RSPH4A: variants seen among roughly 807,000 people sequenced by gnomAD.
The protein encoded by RSPH4A is radial spoke head protein 4 homolog A.
RSPH4A carries 47 observed loss-of-function variants against 71.0 expected under a neutral mutation model. That is an observed-to-expected ratio of 0.66 (90% confidence interval 0.52 to 0.84). The LOEUF is 0.84. Among genes scored for constraint, RSPH4A ranks in the 40% least tolerant of loss-of-function variants. The pLI is 0.00. For synonymous variants in RSPH4A, 282 were observed against 302.3 expected, an observed-to-expected ratio of 0.93 and a Z score of 0.70; for missense variants, 793 against 855.2, an observed-to-expected ratio of 0.93 and a Z score of 0.91.
At chr6:116,623,282 C>T (rs1261463087) in intron 2 of RSPH4A, among the ~76,000 whole-genome samples, 1 of 152,038 alleles carries the variant, frequency 6.6e-6, no homozygotes, top group African/African-American at 2.4e-5. Context: ...GATGGGGTTT[C>T]GCCGTATTGG....
chr6:116,623,355 G>A (rs963862146), intron 2 of RSPH4A, among the ~76,000 whole-genome samples: 5 of 152,080 alleles, frequency 3.3e-5, no homozygotes, highest in African/African-American at 1.2e-4. Flanking sequence ...CAGAATGTTG[G>A]GATTACAGGC....
At chr6:116,623,505 C>T (rs141724770) in intron 2 of RSPH4A, among the ~76,000 whole-genome samples, 30 of 152,008 alleles carry the variant, frequency 2.0e-4, no homozygotes, top group African/African-American at 6.8e-4. Flanking sequence ...TTTTTTCATA[C>T]TGTGTTTTAG....
In RSPH4A at chr6:116,617,133, C is replaced by A; in HGVS notation, c.510C>A (p.Asn170Lys). 6.2e-7 allele frequency: 1 copy of A among 1,614,200 alleles called. No individual in the cohort carries two copies. ...LCGRRDVSYN[N>K]AKQKELRFDV... ...GACGAAGGGACGTGAGCTATAACAACGCTAAACAGAAAGAGCTGAGATTTG... is the reference window on the plus strand; with the variant it reads ...GACGAAGGGACGTGAGCTATAACAAAGCTAAACAGAAAGAGCTGAGATTTG... Residue 170 changes from asparagine (N) to lysine (K), a missense_variant, in exon 1 of 6, where the codon AAC (asparagine) becomes AAA (lysine). Physicochemically the swap from Asn to Lys is moderately conservative, Grantham distance 94 (BLOSUM62 0). Transcript: ENST00000229554.
Position 116,632,606 on chromosome 6 carries a change from G to A in RSPH4A, c.*165G>A, listed in dbSNP as rs771479957. 11 of 878,610 alleles carry A rather than the reference G, an allele frequency of 1.3e-5. No individual in the cohort carries two copies. The highest frequency in any genetic ancestry group is 1.7e-5 in the Non-Finnish European group (10 of 594,098). The allele number at this position is 878,610 out of a possible 1,614,324, so 54.4% of individuals were successfully genotyped here. On this transcript the variant is annotated 3_prime_UTR_variant, in exon 6 of 6. Coordinates refer to ENST00000229554, the MANE Select transcript of RSPH4A (RefSeq NM_001010892.3). ...GAAAATCAAGCTTGAAATTTCATAGGTAGAAATATTAGCATTTTTATTGAA... is the reference window on the plus strand; with the variant it reads ...GAAAATCAAGCTTGAAATTTCATAGATAGAAATATTAGCATTTTTATTGAA...
chr6:116,618,855 A>C (rs1775555335), intron 1 of RSPH4A, among the ~76,000 whole-genome samples: 1 of 152,142 alleles, frequency 6.6e-6, no homozygotes, highest in African/African-American at 2.4e-5. Flanking sequence ...AGACTGCCCC[A>C]CACTTCCAAT....
intron 1 of RSPH4A, among the ~76,000 whole-genome samples, chr6:116,617,751 G>A (rs1373730843): frequency 6.6e-6 from 1 of 152,060 alleles, no homozygotes; most frequent in African/African-American, 2.4e-5. Flanking sequence ...CAGTGCTAGG[G>A]TGACCACCAT....
Position 116,632,624 on chromosome 6 carries a change from T to A in RSPH4A, c.*183T>A. ...TTCATAGGTAGAAATATTAGCATTT[T>A]TATTGAAAGATACTCACAGGATTTT... On this transcript the variant is annotated 3_prime_UTR_variant, in exon 6 of 6. Transcript: ENST00000229554. The A allele has an allele frequency of 1.4e-6, 1 of 735,558 alleles. No individual in the cohort carries two copies. Among genetic ancestry groups the A allele is most frequent in the Non-Finnish European group, 2.1e-6 (1 of 469,394 alleles). 45.6% of individuals were successfully genotyped at this position (735,558 alleles called of 1,614,324 possible).
Position 116,617,190 on chromosome 6 carries a change from CTA to C in RSPH4A, c.569_570del (p.Tyr190Ter). The C allele has an allele frequency of 6.2e-7, 1 of 1,614,212 alleles. No individual in the cohort carries two copies. Among genetic ancestry groups the C allele is most frequent in the Non-Finnish European group, 8.5e-7 (1 of 1,180,036 alleles). Reference protein sequence around the residue: ...VFQEEDSNSDYDLQQPAPGGS... With the variant: ...VFQEEDSNSDXDLQQPAPGGS... ...TTCAGGAGGAAGACTCAAACAGTGA[CTA>C]TGATTTACAGCAGCCGGCGCCTGGG... On this transcript the variant is annotated frameshift_variant, in exon 1 of 6. Transcript: ENST00000229554. LOFTEE classifies it high-confidence loss of function.
intron 4 of RSPH4A, 83 bp downstream of exon 4, chr6:116,629,785 G>C: frequency 7.5e-7 from 1 of 1,331,056 alleles, no homozygotes; most frequent in Non-Finnish European, 1.1e-6. Flanking sequence ...TATGAGAGTC[G>C]GAAAGCTCTA....
intron 1 of RSPH4A, among the ~76,000 whole-genome samples, chr6:116,618,412 C>T (rs1369457921): frequency 1.3e-5 from 2 of 152,224 alleles, no homozygotes; most frequent in African/African-American, 4.8e-5. Flanking sequence ...CCACTATATA[C>T]TTAGTGGTAG....
intron 3 of RSPH4A, 115 bp from the exon 4 acceptor site, chr6:116,629,452 T>C: frequency 9.3e-7 from 1 of 1,074,528 alleles, no homozygotes; most frequent in Non-Finnish European, 1.4e-6. Context: ...AATGAATGAA[T>C]GAATAATTGA....
chr6:116,623,097 C>CTTATT (rs1775638227), intron 2 of RSPH4A, 95 bp downstream of exon 2: 1 of 762,042 alleles, frequency 1.3e-6, no homozygotes, highest in East Asian at 2.6e-5. Context: ...TATTTTATAG[C>CTTATT]TTGTTTTGTT....
chr6:116,617,493 G>T (rs1477067815), intron 1 of RSPH4A, among the ~76,000 whole-genome samples, 184 bp downstream of exon 1: 1 of 150,178 alleles, frequency 6.7e-6, no homozygotes, highest in African/African-American at 2.5e-5. Flanking sequence ...GGAGATTCTT[G>T]TACCTTCTTT....
intron 4 of RSPH4A, 25 bp from the exon 5 acceptor site, chr6:116,630,410 T>A (rs1775774898): frequency 2.4e-6 from 3 of 1,235,656 alleles, no homozygotes; most frequent in Non-Finnish European, 3.6e-6. Flanking sequence ...GGAATTAAGC[T>A]TTTGCATTTC....
intron 5 of RSPH4A, 62 bp from the exon 6 acceptor site, chr6:116,632,145 G>T: frequency 8.3e-7 from 1 of 1,205,126 alleles, no homozygotes; most frequent in Non-Finnish European, 1.2e-6. Context: ...ATTACAGAAG[G>T]GTCAGTTTTT....
rs140811116 is a variant in RSPH4A at position 116,617,274 on chromosome 6, C to A, written c.651C>A (p.Tyr217Ter). Residue 217 changes from tyrosine to a stop codon, truncating the protein, a stop_gained, in exon 1 of 6, where the codon TAC becomes TAA. Coordinates refer to ENST00000229554, the MANE Select transcript of RSPH4A (RefSeq NM_001010892.3). LOFTEE classifies it high-confidence loss of function. ...LEITIQNAKAYLLKTSSNSGF... is the reference protein window; with the variant it reads ...LEITIQNAKA ...TCACCATTCAGAATGCTAAGGCTTA[C>A]CTGCTGAAGACTAGCAGCAATTCGG... The A allele has an allele frequency of 1.2e-6, 2 of 1,613,112 alleles. No individual in the cohort carries two copies. The highest frequency in any genetic ancestry group is 8.5e-7 in the Non-Finnish European group (1 of 1,179,600).
rs959111662 is a variant in RSPH4A at position 116,627,604 on chromosome 6, T to C, written c.922-25T>C. The C allele has an allele frequency of 7.7e-6, 12 of 1,567,588 alleles. No individual in the cohort carries two copies. The African/African-American group carries it at 1.6e-4, about 21-fold the overall frequency. On this transcript the variant is annotated intron_variant, in intron 2 of 5. Transcript: ENST00000229554. ...CAAGCATTTGTCTTATTGATAAATT[T>C]TAACCACAGCATTTGTTTCCCCAGG...
intron 1 of RSPH4A, among the ~76,000 whole-genome samples, chr6:116,618,407 A>G (rs1018542360): frequency 2.0e-5 from 3 of 152,232 alleles, no homozygotes; most frequent in African/African-American, 4.8e-5. Flanking sequence ...GTATACCACT[A>G]TATACTTAGT....
chr6:116,622,765 T>C lies in RSPH4A; in HGVS notation c.687-3T>C, dbSNP rs751102810. 1.9e-6 allele frequency: 3 copies of C among 1,549,916 alleles called. No homozygotes were observed. In the East Asian group the frequency reaches 6.7e-5, roughly 35 times the overall value. On this transcript the variant is annotated splice_region_variant and splice_polypyrimidine_tract_variant and intron_variant, in intron 1 of 5. Transcript: ENST00000229554. Reference sequence around the variant, plus strand: ...TTATCTGGAATTTTCTCTGTTTGGATAGATATGATCATCTTTCTAATATGT... The same window carrying C: ...TTATCTGGAATTTTCTCTGTTTGGACAGATATGATCATCTTTCTAATATGT...
Sources: gnomAD v4.1 joint callset for allele counts (sites outside exome capture counted in the v4.1 genomes callset) on GRCh38, gnomAD v4.1.1 for gene constraint, MANE v1.5 for transcripts, NCBI Gene and HGNC (gene_info 2026-07-23, HGNC 2026-07-21) for gene names.